NALCN: variants seen among roughly 807,000 people sequenced by gnomAD.
NALCN encodes sodium leak channel, non-selective.
A neutral mutation model predicts 225.3 loss-of-function variants in NALCN; 111 were observed. The observed-to-expected ratio is 0.49, with a 90% confidence interval of 0.42 to 0.58. The LOEUF (loss-of-function observed/expected upper bound fraction) is 0.58. Ranked by LOEUF, NALCN falls within the 20% of genes least tolerant of loss-of-function variation. The probability of loss-of-function intolerance (pLI) is 0.00; values close to 1 mark genes in which losing one functional copy is unlikely to be tolerated. For synonymous variants in NALCN, 764 were observed against 769.0 expected, an observed-to-expected ratio of 0.99 and a Z score of 0.11; for missense variants, 1,378 against 2,202.4, an observed-to-expected ratio of 0.63 and a Z score of 7.49.
intron 14 of NALCN, among the ~76,000 whole-genome samples, chr13:101,185,264 A>G (rs1375362094): frequency 6.6e-6 from 1 of 152,264 alleles, no homozygotes; most frequent in Non-Finnish European, 1.5e-5. Context: ...TGGAATGCCC[A>G]TTTGTGTCAG....
Position 101,167,488 on chromosome 13 carries a change from C to T in NALCN, c.1839+8812G>A, listed in dbSNP as rs144806330. On this transcript the variant is annotated intron_variant, in intron 15 of 43. Transcript: ENST00000251127. ...TGAGTGTTTCTGGATATAATTCCAT[C>T]ATAAGTTGAGGAGCATACTGAGCGT... Among the ~76,000 whole-genome samples the T allele has an allele frequency of 4.9e-3, 742 of 152,172 alleles. 6 individuals are homozygous for T. The highest frequency in any genetic ancestry group is 0.017 in the African/African-American group (711 of 41,524).
chr13:101,235,007 A>ATTGGTTTCT (rs2041500121), intron 12 of NALCN, among the ~76,000 whole-genome samples: 1 of 151,962 alleles, frequency 6.6e-6, no homozygotes, highest in African/African-American at 2.4e-5. Context: ...TTTGTAATAA[A>ATTGGTTTCT]TTGGTTTCTT....
Position 101,107,572 on chromosome 13 carries a change from A to G in NALCN, c.2494T>C (p.Tyr832His), listed in dbSNP as rs1566821248. The part of the protein sequence containing the change: ...QEEELRENHP[Y>H]FDKPLFIVGR... ...ACAATGAACAGTGGCTTATCGAAGT[A>G]TGGGTGGTTCTCTCTGAGTTCCTCT... Residue 832 changes from tyrosine (Y) to histidine (H), a missense_variant, in exon 22 of 44, where the codon TAC becomes CAC. By Grantham distance (83) the Tyr-to-His change is moderately conservative. This residue lies in a region of NALCN where 292 missense variants were observed against 409.5 expected (regional missense o/e 0.71). Coordinates refer to ENST00000251127, the MANE Select transcript of NALCN (RefSeq NM_052867.4). 1 of 1,614,158 alleles carries G rather than the reference A, an allele frequency of 6.2e-7. No individual in the cohort carries two copies. The highest frequency in any genetic ancestry group is 1.7e-5 in the Admixed American group (1 of 60,018).
chr13:101,241,472 T>C (rs1399129486), intron 11 of NALCN, among the ~76,000 whole-genome samples: 2 of 152,116 alleles, frequency 1.3e-5, no homozygotes, highest in Non-Finnish European at 2.9e-5. Context: ...AGAGTCTTAC[T>C]CTGTCACCCA....
At chr13:101,189,126 T>C (rs2039576133) in intron 14 of NALCN, among the ~76,000 whole-genome samples, 1 of 152,196 alleles carries the variant, frequency 6.6e-6, no homozygotes, top group South Asian at 2.1e-4. Flanking sequence ...ATAGTTTAAT[T>C]GTTTTTCTCT....
At chr13:101,400,495 G>C (rs912428718) in intron 1 of NALCN, among the ~76,000 whole-genome samples, 3 of 151,718 alleles carry the variant, frequency 2.0e-5, no homozygotes, top group East Asian at 3.9e-4. Flanking sequence ...ACCTAACCAA[G>C]CACAATGGGT....
At chr13:101,124,887 G>A (rs937529961) in intron 17 of NALCN, among the ~76,000 whole-genome samples, 6 of 152,134 alleles carry the variant, frequency 3.9e-5, no homozygotes, top group South Asian at 2.1e-4. Flanking sequence ...TCCCAGCCAC[G>A]GATGGTGCAT....
intron 34 of NALCN, among the ~76,000 whole-genome samples, chr13:101,078,892 G>A (rs2033440426): frequency 6.6e-6 from 1 of 152,148 alleles, no homozygotes; most frequent in African/African-American, 2.4e-5. Context: ...GTTGTGGGAG[G>A]GACCAGGTGG....
At chr13:101,300,367 T>TTTCCTTCCTTCCTTCCTTCC (rs71121182) in intron 7 of NALCN, among the ~76,000 whole-genome samples, 1 of 101,662 alleles carries the variant, frequency 9.8e-6, no homozygotes, top group African/African-American at 4.2e-5. Context: ...TCTTTCTTTC[T>TTTCCTTCCTTCCTTCCTTCC]TTCCTTCCTT....
At chr13:101,144,092 A>G (rs2037224762) in intron 16 of NALCN, among the ~76,000 whole-genome samples, 1 of 152,210 alleles carries the variant, frequency 6.6e-6, no homozygotes, top group African/African-American at 2.4e-5. Flanking sequence ...TAAAGCTAGT[A>G]ACATATTACT....
chr13:101,231,087 T>C lies in NALCN; in HGVS notation c.1435-1503A>G, dbSNP rs144338563. Among the ~76,000 whole-genome samples, 507 of 152,302 alleles carry C rather than the reference T, an allele frequency of 3.3e-3. 2 individuals carry two copies. Among genetic ancestry groups the C allele is most frequent in the African/African-American group, 0.012 (485 of 41,564 alleles). The stretch of plus-strand genomic sequence containing the variant: ...TATAGCCTAGGTATATAGTGGGCTA[T>C]ACATCTAGGTTTGTGTAAGTAAACT... On this transcript the variant is annotated intron_variant, in intron 12 of 43. Coordinates refer to ENST00000251127, the MANE Select transcript of NALCN (RefSeq NM_052867.4).
At chr13:101,261,716 GT>G (rs2042433295) in intron 10 of NALCN, among the ~76,000 whole-genome samples, 2 of 152,142 alleles carry the variant, frequency 1.3e-5, no homozygotes, top group Admixed American at 1.3e-4. Context: ...ACATTACTAG[GT>G]TTGTTCATCA....
At chr13:101,146,630 G>C (rs1306777296) in intron 15 of NALCN, among the ~76,000 whole-genome samples, 3 of 152,108 alleles carry the variant, frequency 2.0e-5, no homozygotes. Context: ...GTGTAAGGCA[G>C]GTATATCAGG....
At position 101,065,409 on chromosome 13, in the gene NALCN, G is replaced by A; in HGVS notation, c.4599C>T (p.Val1533=). The A allele has an allele frequency of 6.2e-7, 1 of 1,614,132 alleles. No homozygotes were observed. The highest frequency in any genetic ancestry group is 1.1e-5 in the South Asian group (1 of 91,080). ...HNGGDVTFHD[V]LSMLSYRSVD... ...TGCGAAAGCCTGCCTTGTACCTCAG[G>A]ACATCATGGAAGGTGACGTCGCCGC... The change falls in exon 40 of 44, where the codon GTC becomes GTT. Residue 1533 remains valine (V), a synonymous_variant. Coordinates refer to ENST00000251127, the MANE Select transcript of NALCN (RefSeq NM_052867.4).
intron 7 of NALCN, among the ~76,000 whole-genome samples, chr13:101,343,881 G>A (rs892556552): frequency 1.8e-4 from 27 of 152,146 alleles, no homozygotes; most frequent in South Asian, 2.1e-4. Flanking sequence ...CATTAAAAAC[G>A]GTGAGGGTAT....
At chr13:101,206,494 T>C (rs964044851) in intron 13 of NALCN, among the ~76,000 whole-genome samples, 1 of 152,014 alleles carries the variant, frequency 6.6e-6, no homozygotes, top group Non-Finnish European at 1.5e-5. Context: ...ATTGTAAATA[T>C]AACTAGCATG....
intron 7 of NALCN, among the ~76,000 whole-genome samples, chr13:101,327,074 G>A (rs963101572): frequency 2.0e-5 from 3 of 152,028 alleles, no homozygotes; most frequent in Non-Finnish European, 4.4e-5. Flanking sequence ...TTTAAGGGGA[G>A]GAAAAATACA....
chr13:101,330,570 A>G (rs868385597), intron 7 of NALCN, among the ~76,000 whole-genome samples: 43 of 152,322 alleles, frequency 2.8e-4, no homozygotes, highest in Middle Eastern at 6.8e-3. Context: ...AGAAATCAGA[A>G]TCCAGACCTG....
rs987691442 is a variant in NALCN, at chr13:101,152,053, C to T, written c.1840-7157G>A. ...ACATGTTTAAGTCACTAATTTTTCCCCGTTTTACAAAAATATTTAATACAC... is the reference window on the plus strand; with the variant it reads ...ACATGTTTAAGTCACTAATTTTTCCTCGTTTTACAAAAATATTTAATACAC... On this transcript the variant is annotated intron_variant, in intron 15 of 43. Coordinates refer to ENST00000251127, the MANE Select transcript of NALCN (RefSeq NM_052867.4). Among the ~76,000 whole-genome samples the T allele has an allele frequency of 5.3e-5, 8 of 152,188 alleles. No homozygotes were observed. In the South Asian group the frequency reaches 6.2e-4, roughly 12 times the overall value.
Sources: gnomAD v4.1 joint callset for allele counts (sites outside exome capture counted in the v4.1 genomes callset) on GRCh38, gnomAD v4.1.1 for gene constraint, gnomAD v4.1.1 regional missense constraint, MANE v1.5 for transcripts, NCBI Gene and HGNC (gene_info 2026-07-23, HGNC 2026-07-21) for gene names.